The following SCN8A variants were observed in gnomAD, a reference collection of about 807,000 sequenced individuals.
SCN8A encodes the protein sodium channel protein type 8 subunit alpha.
SCN8A carries 30 observed loss-of-function variants against 184.1 expected under a neutral mutation model. The observed-to-expected ratio is 0.16, with a 90% CI of 0.12 to 0.22. The LOEUF is 0.22. Ranked by LOEUF, SCN8A falls within the 10% of genes least tolerant of loss-of-function variation. The pLI is 1.00. For synonymous variants in SCN8A, 852 were observed against 907.0 expected, an observed-to-expected ratio of 0.94 and a Z score of 1.09; for missense variants, 1,057 against 2,498.9, an observed-to-expected ratio of 0.42 and a Z score of 12.30.
intron 1 of SCN8A, among the ~76,000 whole-genome samples, chr12:51,646,574 G>A (rs1940593866): frequency 6.6e-6 from 1 of 152,162 alleles, no homozygotes; most frequent in African/African-American, 2.4e-5. Flanking sequence ...AACTTTGCGA[G>A]AAGAAATGAA....
rs751071670 is a variant in SCN8A at position 51,810,888 on chromosome 12, T to G, written c.*3459T>G. The G allele has an allele frequency of 5.9e-5, 9 of 152,302 alleles. 1 individual carries two copies. Among genetic ancestry groups the G allele is most frequent in the South Asian group, 4.1e-4 (2 of 4,822 alleles). The allele number at this position is 152,302 out of a possible 1,614,324, so 9.4% of individuals were successfully genotyped here. ...GCGTCAGAAGTTGACTGGAGAGAGATAAACAAACTCCCAGTCAAAGCCCCT... is the reference window on the plus strand; with the variant it reads ...GCGTCAGAAGTTGACTGGAGAGAGAGAAACAAACTCCCAGTCAAAGCCCCT... On this transcript the variant is annotated 3_prime_UTR_variant, in exon 27 of 27. Coordinates refer to ENST00000627620, the MANE Select transcript of SCN8A (RefSeq NM_001330260.2).
chr12:51,665,986 C>T (rs1199882195), intron 2 of SCN8A, among the ~76,000 whole-genome samples: 11 of 152,174 alleles, frequency 7.2e-5, no homozygotes, highest in South Asian at 2.1e-4. Flanking sequence ...CACTTGAACC[C>T]GGGAGGTGGA....
At position 51,704,939 on chromosome 12, in the gene SCN8A, C is replaced by T. The variant is rs376069835; in HGVS notation, c.1135-478C>T. ...GCAGTGAGCCAAGATCGTGCCATCACACTCCAGCCTAGGTGATAGTGTGAC... is the reference window on the plus strand; with the variant it reads ...GCAGTGAGCCAAGATCGTGCCATCATACTCCAGCCTAGGTGATAGTGTGAC... On this transcript the variant is annotated intron_variant, in intron 9 of 26. Transcript: ENST00000627620. 1.1e-4 allele frequency among the ~76,000 whole-genome samples: 17 copies of T among 152,060 alleles called. No homozygotes were observed. In the East Asian group the frequency reaches 1.5e-3, roughly 14 times the overall value.
intron 1 of SCN8A, among the ~76,000 whole-genome samples, chr12:51,623,531 C>G (rs1014737047): frequency 6.6e-6 from 1 of 152,182 alleles, no homozygotes; most frequent in African/African-American, 2.4e-5. Flanking sequence ...CTCCTATGAG[C>G]TACGATTTAC....
At position 51,667,610 on chromosome 12, in the gene SCN8A, A is replaced by G. The variant is rs139390534; in HGVS notation, c.276+4517A>G. ...GTTGCACAAAGTGCCTGTCTTCACTAAAAAAATGCTCTCCAATGCTTAATA... is the reference window on the plus strand; with the variant it reads ...GTTGCACAAAGTGCCTGTCTTCACTGAAAAAATGCTCTCCAATGCTTAATA... On this transcript the variant is annotated intron_variant, in intron 2 of 26. Transcript: ENST00000627620. 2.0e-3 allele frequency among the ~76,000 whole-genome samples: 302 copies of G among 152,242 alleles called. 1 individual carries two copies. Among genetic ancestry groups the G allele is most frequent in the Non-Finnish European group, 3.6e-3 (242 of 68,010 alleles).
At chr12:51,684,096 C>A in intron 2 of SCN8A, 78 bp from the exon 3 acceptor site, 1 of 798,314 alleles carries the variant, frequency 1.3e-6, no homozygotes, top group Admixed American at 1.8e-5. Context: ...TTTATGTATT[C>A]CTTACCTAGA....
chr12:51,700,098 G>A (rs1315755774), intron 7 of SCN8A, among the ~76,000 whole-genome samples: 4 of 151,770 alleles, frequency 2.6e-5, no homozygotes, highest in African/African-American at 4.8e-5. Flanking sequence ...CCCGGGAGGC[G>A]GAGGTTGCGG....
intron 12 of SCN8A, among the ~76,000 whole-genome samples, chr12:51,734,484 C>T (rs1174533286): frequency 6.6e-6 from 1 of 152,202 alleles, no homozygotes; most frequent in Non-Finnish European, 1.5e-5. Context: ...AGGAACATGC[C>T]CTTAAGACAC....
At chr12:51,685,318 T>C (rs1941401333) in intron 3 of SCN8A, among the ~76,000 whole-genome samples, 1 of 152,212 alleles carries the variant, frequency 6.6e-6, no homozygotes, top group Non-Finnish European at 1.5e-5. Flanking sequence ...ATATTTTCTC[T>C]TTTTAAAACT....
At chr12:51,792,948 G>A (rs1211509739) in intron 25 of SCN8A, among the ~76,000 whole-genome samples, 6 of 152,096 alleles carry the variant, frequency 3.9e-5, no homozygotes, top group Non-Finnish European at 8.8e-5. Context: ...TCACCATGTT[G>A]ACCAGGCTGG....
At chr12:51,761,977 A>G (rs1942769380) in intron 14 of SCN8A, among the ~76,000 whole-genome samples, 1 of 152,112 alleles carries the variant, frequency 6.6e-6, no homozygotes, top group Non-Finnish European at 1.5e-5. Flanking sequence ...TGATAGTTGT[A>G]TGCAAGGTGG....
chr12:51,592,833 T>C (rs1463934963), intron 1 of SCN8A, among the ~76,000 whole-genome samples: 2 of 152,088 alleles, frequency 1.3e-5, no homozygotes, highest in South Asian at 2.1e-4. Flanking sequence ...ATGTTTTAGC[T>C]TTCCAATGGA....
intron 2 of SCN8A, among the ~76,000 whole-genome samples, chr12:51,668,771 C>T (rs1055773911): frequency 6.6e-6 from 1 of 152,170 alleles, no homozygotes; most frequent in Non-Finnish European, 1.5e-5. Context: ...ATTTGTTTAA[C>T]CTTTCTACCA....
chr12:51,795,664 T>C (rs1938386292), intron 26 of SCN8A, among the ~76,000 whole-genome samples: 1 of 152,218 alleles, frequency 6.6e-6, no homozygotes, highest in Non-Finnish European at 1.5e-5. Flanking sequence ...AAGAATCTCA[T>C]GAGGGAATTA....
chr12:51,643,143 C>T (rs924006957), intron 1 of SCN8A, among the ~76,000 whole-genome samples: 1 of 152,130 alleles, frequency 6.6e-6, no homozygotes, highest in African/African-American at 2.4e-5. Flanking sequence ...TGTCAGTTCT[C>T]TTGTTGTCAT....
chr12:51,632,139 T>G (rs182235384), intron 1 of SCN8A, among the ~76,000 whole-genome samples: 1 of 152,230 alleles, frequency 6.6e-6, no homozygotes. Flanking sequence ...GAACTTACCA[T>G]AGCCTCCACT....
chr12:51,671,998 C>T (rs1032704325), intron 2 of SCN8A, among the ~76,000 whole-genome samples: 1 of 152,218 alleles, frequency 6.6e-6, no homozygotes, highest in Non-Finnish European at 1.5e-5. Context: ...ACCAATCCCT[C>T]ACCCCTGTCT....
At chr12:51,805,994 A>G (rs1176952217) in intron 26 of SCN8A, among the ~76,000 whole-genome samples, 4 of 152,074 alleles carry the variant, frequency 2.6e-5, no homozygotes, top group Admixed American at 6.6e-5. Context: ...ATGCCCAGCT[A>G]ATTTTTTATT....
At chr12:51,606,011 T>C (rs976571560) in intron 1 of SCN8A, among the ~76,000 whole-genome samples, 1 of 152,190 alleles carries the variant, frequency 6.6e-6, no homozygotes, top group African/African-American at 2.4e-5. Context: ...TTTTCAGATA[T>C]ATAGATTGTC....
Sources: gnomAD v4.1 joint callset for allele counts (sites outside exome capture counted in the v4.1 genomes callset) on GRCh38, gnomAD v4.1.1 for gene constraint, MANE v1.5 for transcripts, NCBI Gene and HGNC (gene_info 2026-07-23, HGNC 2026-07-21) for gene names.